The following YBEY variants were observed in gnomAD, a reference collection of about 807,000 sequenced individuals.
YBEY encodes the protein endoribonuclease YbeY.
In YBEY, 15 loss-of-function variants were observed where a neutral mutation model predicts 13.5. That is an observed-to-expected ratio of 1.11 (90% CI 0.75 to 1.72). The LOEUF (loss-of-function observed/expected upper bound fraction) is 1.72, where lower values mean the gene tolerates loss of function less well. Ranked by LOEUF, YBEY falls within the 40% of genes most tolerant of loss-of-function variation. The probability of loss-of-function intolerance (pLI) is 0.00; values close to 1 mark genes in which losing one functional copy is unlikely to be tolerated. For synonymous variants in YBEY, 101 were observed against 83.1 expected (o/e 1.21, Z -1.17); for missense variants, 244 against 208.4 (o/e 1.17, Z -1.05).
chr21:46,288,495 G>C (rs1381668867), intron 2 of YBEY, among the ~76,000 whole-genome samples: 2 of 152,006 alleles, frequency 1.3e-5, no homozygotes, highest in Non-Finnish European at 2.9e-5. Flanking sequence ...GGCCAACATG[G>C]TGAAACCCCG....
downstream of YBEY, among the ~76,000 whole-genome samples, chr21:46,298,620 G>A (rs1449491868): frequency 1.3e-5 from 2 of 151,140 alleles, no homozygotes; most frequent in African/African-American, 2.4e-5. Flanking sequence ...TAGTAGAGAC[G>A]GGGTTTCACT....
At chr21:46,289,645 G>C (rs930251815) in intron 2 of YBEY, among the ~76,000 whole-genome samples, 3 of 151,760 alleles carry the variant, frequency 2.0e-5, no homozygotes, top group Non-Finnish European at 4.4e-5. Context: ...GTAAAGTTGG[G>C]GTTTCACCAT....
downstream of YBEY, chr21:46,301,332 A>G (rs1337652459): frequency 3.0e-6 from 1 of 338,494 alleles, no homozygotes; most frequent in Admixed American, 6.5e-5. Flanking sequence ...TTTTTTGTAG[A>G]GACGGGGTCT....
chr21:46,298,160 G>A (rs1459981734), downstream of YBEY, among the ~76,000 whole-genome samples: 1 of 152,212 alleles, frequency 6.6e-6, no homozygotes, highest in Non-Finnish European at 1.5e-5. Context: ...GCACCTCAGA[G>A]ACCTGCGTGA....
In YBEY at chr21:46,286,864, C is replaced by G; in HGVS notation, c.-44-6C>G. The G allele has an allele frequency of 6.3e-7, 1 of 1,585,472 alleles. No individual in the cohort carries two copies. Among genetic ancestry groups the G allele is most frequent in the Non-Finnish European group, 8.6e-7 (1 of 1,156,264 alleles). Reference sequence around the variant, plus strand: ...TGATTGGTCTTCTCTTACACTTTAACCCCAGGTTCCGTTGCAAACATTTTT... The same window carrying G: ...TGATTGGTCTTCTCTTACACTTTAAGCCCAGGTTCCGTTGCAAACATTTTT... On this transcript the variant is annotated splice_polypyrimidine_tract_variant and splice_region_variant and intron_variant, in intron 1 of 4. Coordinates refer to ENST00000397701, the MANE Select transcript of YBEY (RefSeq NM_001314025.2).
chr21:46,297,056 T>G (rs1177332612), intron 4 of YBEY, among the ~76,000 whole-genome samples: 2 of 152,050 alleles, frequency 1.3e-5, no homozygotes, highest in Admixed American at 6.6e-5. Flanking sequence ...CCCAGCACTT[T>G]GGGAGGCCGA....
Position 46,291,526 on chromosome 21 carries a change from A to G in YBEY, c.339+64A>G, listed in dbSNP as rs778065737. The G allele has an allele frequency of 5.0e-6, 8 of 1,599,808 alleles. No homozygotes were observed. The African/African-American group carries it at 9.4e-5, about 19-fold the overall frequency. ...GAACATGGGCCTTGCAAAGGGGTCA[A>G]GATCACAACCCTGCATCCATGTGTG... On this transcript the variant is annotated intron_variant, in intron 3 of 4. Coordinates refer to ENST00000397701, the MANE Select transcript of YBEY (RefSeq NM_001314025.2).
chr21:46,299,358 T>A (rs1309289494), downstream of YBEY, among the ~76,000 whole-genome samples: 1 of 152,100 alleles, frequency 6.6e-6, no homozygotes, highest in Non-Finnish European at 1.5e-5. Context: ...AGCAGCAGCA[T>A]CACCTGTTGC....
chr21:46,298,907 A>T (rs1449681204), downstream of YBEY, among the ~76,000 whole-genome samples: 1 of 151,622 alleles, frequency 6.6e-6, no homozygotes, highest in Admixed American at 6.6e-5. Context: ...GTTTCTGTAG[A>T]GACAGGGTTT....
In YBEY at chr21:46,291,383, A is replaced by G. The variant is rs2081703859; in HGVS notation, c.260A>G (p.Asn87Ser). 6.2e-7 allele frequency: 1 copy of G among 1,613,934 alleles called. No individual in the cohort carries two copies. Among genetic ancestry groups the G allele is most frequent in the South Asian group, 1.1e-5 (1 of 91,060 alleles). ...FPQPDFPDDYNLGDIFLGVEY... is the reference protein window; with the variant it reads ...FPQPDFPDDYSLGDIFLGVEY... Reference sequence around the variant, plus strand: ...CAGCCTGATTTTCCAGATGACTACAATTTGGGAGACATTTTCCTAGGAGTG... The same window carrying G: ...CAGCCTGATTTTCCAGATGACTACAGTTTGGGAGACATTTTCCTAGGAGTG... The change falls in exon 3 of 5, where the codon AAT (asparagine) becomes AGT (serine). Residue 87 changes from asparagine to serine, a missense_variant. Coordinates refer to ENST00000397701, the MANE Select transcript of YBEY (RefSeq NM_001314025.2).
intron 3 of YBEY, among the ~76,000 whole-genome samples, chr21:46,294,669 G>C (rs1343764105): frequency 1.7e-5 from 2 of 119,902 alleles, no homozygotes; most frequent in African/African-American, 5.4e-5. Flanking sequence ...CGGTTAGCCT[G>C]ACCCGTGCCC....
intron 3 of YBEY, 114 bp downstream of exon 3, chr21:46,291,576 G>C (rs1185182287): frequency 4.6e-6 from 7 of 1,522,612 alleles, no homozygotes; most frequent in Non-Finnish European, 6.2e-6. Flanking sequence ...AAGGGCTACT[G>C]GGGGAAGAAC....
chr21:46,295,463 A>G (rs1244806908), intron 3 of YBEY, among the ~76,000 whole-genome samples: 1 of 151,746 alleles, frequency 6.6e-6, no homozygotes, highest in Non-Finnish European at 1.5e-5. Context: ...GTGCCTGCTC[A>G]GGGTCCACAG....
chr21:46,303,901 G>A, the YBEY span, among the ~76,000 whole-genome samples: 9 of 147,874 alleles, frequency 6.1e-5, no homozygotes, highest in Admixed American at 3.4e-4. Context: ...ACAGGTGCCC[G>A]CCACTGCGCC....
intron 2 of YBEY, among the ~76,000 whole-genome samples, chr21:46,288,537 G>A (rs2081560688): frequency 6.6e-6 from 1 of 152,112 alleles, no homozygotes; most frequent in African/African-American, 2.4e-5. Flanking sequence ...AAGTTAGCTG[G>A]GTGTGGTGGC....
At chr21:46,288,647 C>G (rs2081566986) in intron 2 of YBEY, among the ~76,000 whole-genome samples, 1 of 151,676 alleles carries the variant, frequency 6.6e-6, no homozygotes, top group South Asian at 2.1e-4. Context: ...CCACTGCACT[C>G]CAGCCTGGCG....
At chr21:46,311,060 T>C in the YBEY span, among the ~76,000 whole-genome samples, 7 of 151,900 alleles carry the variant, frequency 4.6e-5, no homozygotes, top group African/African-American at 1.7e-4. Flanking sequence ...TTAGTAGAGA[T>C]GGGGTTTCAC....
rs1473689756 is a variant in YBEY, at chr21:46,288,021, AAAAAG to A, written c.210+908_210+912del. Among the ~76,000 whole-genome samples the A allele has an allele frequency of 4.0e-5, 6 of 151,780 alleles. No homozygotes were observed. The East Asian group carries it at 1.2e-3, about 29-fold the overall frequency. On this transcript the variant is annotated intron_variant, in intron 2 of 4. Coordinates refer to ENST00000397701, the MANE Select transcript of YBEY (RefSeq NM_001314025.2). ...GAGCGAAACTCTGTCTCAGGAAAAA[AAAAAG>A]AAAAGAAAAAGGTGACTAGCGTCCA...
chr21:46,303,708 A>AAATATATAT, the YBEY span, among the ~76,000 whole-genome samples: 1 of 37,286 alleles, frequency 2.7e-5, no homozygotes, highest in African/African-American at 1.0e-4. Context: ...ACACACACAA[A>AAATATATAT]ATATATATAT....
Sources: allele counts gnomAD v4.1 joint callset (sites outside exome capture counted in the v4.1 genomes callset), GRCh38; gene constraint gnomAD v4.1.1; transcripts MANE v1.5; gene names NCBI Gene and HGNC (gene_info 2026-07-23, HGNC 2026-07-21).